Variants in PDE6A observed in about 807,000 individuals in gnomAD.
The protein encoded by PDE6A is rod cGMP-specific 3',5'-cyclic phosphodiesterase subunit alpha.
Under a neutral mutation model 106.3 loss-of-function variants are expected in PDE6A, and 84 were observed. The ratio of observed to expected loss-of-function variants is 0.79; its 90% CI spans 0.66 to 0.95. The LOEUF is 0.95. PDE6A is among the 40% of genes least tolerant of loss of function. The pLI is 0.00. For missense variants in PDE6A, 1,052 were observed against 1,084.9 expected (o/e 0.97, Z 0.43); for synonymous variants, 394 against 386.6 (o/e 1.02, Z -0.23).
At chr5:149,931,239 C>A (rs1291158746) in intron 3 of PDE6A, 71 bp from the exon 4 acceptor site, 1 of 1,436,596 alleles carries the variant, frequency 7.0e-7, no homozygotes, top group East Asian at 2.3e-5. Flanking sequence ...TGGAGAATAA[C>A]AACAATTCTG....
intron 10 of PDE6A, among the ~76,000 whole-genome samples, chr5:149,897,941 A>G (rs760305235): frequency 2.0e-5 from 3 of 152,156 alleles, no homozygotes; most frequent in Non-Finnish European, 4.4e-5. Context: ...TGAGAAACTG[A>G]TAATTGTCTA....
At chr5:149,932,246 C>G in intron 3 of PDE6A, 4 of 1,406,128 alleles carry the variant, frequency 2.8e-6, no homozygotes, top group Non-Finnish European at 4.0e-6. Context: ...TTCTGACCAG[C>G]TGTCCATTTT....
chr5:149,922,511 C>T (rs1753752936), intron 4 of PDE6A, among the ~76,000 whole-genome samples: 1 of 151,888 alleles, frequency 6.6e-6, no homozygotes, highest in African/African-American at 2.4e-5. Flanking sequence ...GGGGTTTCAC[C>T]ATATTGGCCA....
intron 6 of PDE6A, among the ~76,000 whole-genome samples, chr5:149,912,212 G>A (rs1361449217): frequency 6.6e-6 from 1 of 152,096 alleles, no homozygotes; most frequent in Non-Finnish European, 1.5e-5. Flanking sequence ...CAAATTCCTA[G>A]GCTCAAGCAA....
chr5:149,884,195 A>ATAT (rs35852293), intron 16 of PDE6A, among the ~76,000 whole-genome samples: 2,011 of 138,748 alleles, frequency 0.014, 42 homozygotes, highest in Middle Eastern at 0.028. Flanking sequence ...AAAGAAAAAA[A>ATAT]AAAAATATAT....
chr5:149,887,773 A>G (rs1323368326), intron 13 of PDE6A, among the ~76,000 whole-genome samples: 1 of 152,108 alleles, frequency 6.6e-6, no homozygotes, highest in Admixed American at 6.5e-5. Context: ...GACAAAAGCA[A>G]AACCGCCTCA....
chr5:149,870,172 C>A (rs1324415623), intron 17 of PDE6A, among the ~76,000 whole-genome samples: 1 of 151,892 alleles, frequency 6.6e-6, no homozygotes, highest in Non-Finnish European at 1.5e-5. Flanking sequence ...GCCCGTAGTC[C>A]CAGCATTTTG....
intron 8 of PDE6A, among the ~76,000 whole-genome samples, chr5:149,903,442 G>A (rs535014176): frequency 3.2e-4 from 49 of 151,722 alleles, no homozygotes; most frequent in Non-Finnish European, 5.6e-4. Flanking sequence ...AAAGCAAAGA[G>A]TGTGAATGTT....
chr5:149,898,600 C>A, intron 9 of PDE6A, 94 bp from the exon 10 acceptor site: 1 of 1,340,692 alleles, frequency 7.5e-7, no homozygotes, highest in South Asian at 1.2e-5. Flanking sequence ...CCTCTGTTTT[C>A]TCAGCTATAA....
At chr5:149,932,274 C>G (rs1754056953) in intron 3 of PDE6A, 1 of 1,436,950 alleles carries the variant, frequency 7.0e-7, no homozygotes, top group East Asian at 2.3e-5. Flanking sequence ...AGCAGTTTCA[C>G]TCGTAGACCG....
chr5:149,890,164 G>T (rs1009056581), intron 13 of PDE6A, among the ~76,000 whole-genome samples: 2 of 151,724 alleles, frequency 1.3e-5, no homozygotes, highest in African/African-American at 4.8e-5. Flanking sequence ...ACCATGTTGG[G>T]CAGGCTAGTC....
In PDE6A at chr5:149,934,598, C is replaced by G. The variant is rs1206925964; in HGVS notation, c.595G>C (p.Asp199His). Reference sequence around the variant, plus strand: ...TCTCTCTTGGTGAAGTGGGATCCATCCACTTTATTCACAGCCATGATTATG... The same window carrying G: ...TCTCTCTTGGTGAAGTGGGATCCATGCACTTTATTCACAGCCATGATTATG... ...VAIIMAVNKV[D>H]GSHFTKRDEE... Residue 199 changes from aspartate to histidine, a missense_variant, in exon 2 of 22, where the codon GAT becomes CAT. Asp to His is a moderately conservative substitution (Grantham distance 81). Coordinates refer to ENST00000255266, the MANE Select transcript of PDE6A (RefSeq NM_000440.3). 6.2e-7 allele frequency: 1 copy of G among 1,614,062 alleles called. No individual in the cohort carries two copies. Among genetic ancestry groups the G allele is most frequent in the African/African-American group, 1.3e-5 (1 of 74,916 alleles).
intron 1 of PDE6A, among the ~76,000 whole-genome samples, chr5:149,936,842 G>A (rs1379942013): frequency 6.6e-6 from 1 of 152,196 alleles, no homozygotes; most frequent in Non-Finnish European, 1.5e-5. Flanking sequence ...CAGAGGCTGA[G>A]CTAGGGAAAG....
Position 149,906,519 on chromosome 5 carries a change from CAAA to C in PDE6A, c.1065+790_1065+792del, listed in dbSNP as rs560905491. On this transcript the variant is annotated intron_variant, in intron 7 of 21. Coordinates refer to ENST00000255266, the MANE Select transcript of PDE6A (RefSeq NM_000440.3). ...CCAGCCTGGGCAACAGAGACACTGT[CAAA>C]AAAAAAAAAAAAAAAATCCCACCTT... Among the ~76,000 whole-genome samples the C allele has an allele frequency of 1.3e-3, 72 of 54,216 alleles. 1 individual carries two copies. The highest frequency in any genetic ancestry group is 4.2e-3 in the African/African-American group (69 of 16,246). The allele number at this position is 54,216 out of a possible 152,430, so 35.6% of individuals were successfully genotyped here. A position where few individuals can be genotyped will look rare whatever the true frequency, so the allele number is the denominator to read the frequency against.
chr5:149,932,425 G>C, intron 3 of PDE6A: 2 of 1,383,996 alleles, frequency 1.4e-6, no homozygotes, highest in Non-Finnish European at 1.0e-6. Context: ...AGTTTAAAGG[G>C]AGTTGACTGA....
intron 4 of PDE6A, among the ~76,000 whole-genome samples, chr5:149,925,105 G>A (rs1380513217): frequency 6.6e-6 from 1 of 152,148 alleles, no homozygotes; most frequent in Non-Finnish European, 1.5e-5. Flanking sequence ...CCCTTTGGAG[G>A]AAGATAACAT....
chr5:149,906,760 A>AT (rs143352437), intron 7 of PDE6A, among the ~76,000 whole-genome samples: 15,719 of 151,170 alleles, frequency 0.1, 1,116 homozygotes, highest in East Asian at 0.2. Flanking sequence ...AGACCTTTTT[A>AT]TTTTGTTTTA....
chr5:149,936,158 A>AAAGGAAGGGAGGAAGGAAGG (rs1554092685), intron 1 of PDE6A, among the ~76,000 whole-genome samples: 49 of 130,728 alleles, frequency 3.7e-4, no homozygotes, highest in African/African-American at 1.5e-3. Context: ...TGTCTCTAAA[A>AAAGGAAGGGAGGAAGGAAGG]AAGGAAGGAA....
chr5:149,887,243 C>A (rs574873831), intron 13 of PDE6A, among the ~76,000 whole-genome samples: 3 of 152,266 alleles, frequency 2.0e-5, no homozygotes, highest in Non-Finnish European at 4.4e-5. Flanking sequence ...TATGCAGCCA[C>A]AAAATTGTAT....
Sources: allele counts gnomAD v4.1 joint callset (sites outside exome capture counted in the v4.1 genomes callset), GRCh38; gene constraint gnomAD v4.1.1; transcripts MANE v1.5; gene names NCBI Gene and HGNC (gene_info 2026-07-23, HGNC 2026-07-21).